Variants in AGXT observed in about 807,000 individuals in gnomAD.
AGXT encodes alanine--glyoxylate aminotransferase.
A neutral mutation model predicts 46.9 loss-of-function variants in AGXT; 41 were observed. The ratio of observed to expected loss-of-function variants is 0.88; its 90% CI spans 0.68 to 1.14. AGXT has a LOEUF of 1.14. Among genes scored for constraint, AGXT ranks in the 50% most tolerant of loss-of-function variants. The pLI, the probability that AGXT is intolerant of heterozygous loss-of-function variation, is 0.00. For missense variants in AGXT, 525 were observed against 522.7 expected, an observed-to-expected ratio of 1.00 and a Z score of -0.04; for synonymous variants, 244 against 227.9, an observed-to-expected ratio of 1.07 and a Z score of -0.64.
At chr2:240,876,151 C>A in intron 8 of AGXT, 147 bp downstream of exon 8, 1 of 997,766 alleles carries the variant, frequency 1.0e-6, no homozygotes, top group South Asian at 1.4e-5. Flanking sequence ...GGAGAGAGGA[C>A]AGGGCCCCGG....
chr2:240,871,250 C>T, intron 3 of AGXT, 99 bp from the exon 4 acceptor site: 1 of 1,027,470 alleles, frequency 9.7e-7, no homozygotes, highest in Non-Finnish European at 1.5e-6. Context: ...GCAGGCCCAG[C>T]CCCTGCTACC....
intron 5 of AGXT, 82 bp downstream of exon 5, chr2:240,873,131 T>C: frequency 1.6e-6 from 2 of 1,248,294 alleles, no homozygotes; most frequent in East Asian, 2.3e-5. Context: ...GAAGCGTGCG[T>C]CCAGCAGCCG....
intron 2 of AGXT, among the ~76,000 whole-genome samples, chr2:240,870,129 G>A (rs2058983672): frequency 6.6e-6 from 1 of 152,144 alleles, no homozygotes; most frequent in South Asian, 2.1e-4. Context: ...CCCACAACCT[G>A]GCCCTGAACA....
chr2:240,874,522 C>A (rs1194397302), intron 6 of AGXT, among the ~76,000 whole-genome samples: 1 of 152,236 alleles, frequency 6.6e-6, no homozygotes, highest in Admixed American at 6.5e-5. Flanking sequence ...ACCTCACAGG[C>A]GGTTCCCATC....
rs2058975534 is a variant in AGXT at position 240,868,943 on chromosome 2, G to A, written c.78G>A (p.Leu26=). The change falls in exon 1 of 11, where the codon CTG becomes CTA. Residue 26 remains leucine (L), a synonymous_variant. Transcript: ENST00000307503. ...KPLSIPNQLL[L]GPGPSNLPPR... is the part of the protein sequence containing the mutation. ...TCTCCATCCCCAACCAGCTCCTGCT[G>A]GGGCCTGGTCCTTCCAACCTGCCTC... The A allele has an allele frequency of 6.2e-7, 1 of 1,613,286 alleles. No individual in the cohort carries two copies. The highest frequency in any genetic ancestry group is 1.6e-4 in the Middle Eastern group (1 of 6,062).
chr2:240,875,824 G>A (rs898652920), intron 7 of AGXT, 111 bp from the exon 8 acceptor site: 15 of 1,208,918 alleles, frequency 1.2e-5, no homozygotes, highest in East Asian at 9.8e-5. Flanking sequence ...GGAGGATACC[G>A]GCCTGTGGTC....
intron 8 of AGXT, among the ~76,000 whole-genome samples, chr2:240,876,622 C>T (rs550187209): frequency 6.6e-6 from 1 of 152,356 alleles, no homozygotes; most frequent in South Asian, 2.1e-4. Context: ...AGTCCAGAGT[C>T]CAGGAAGGAT....
At position 240,869,005 on chromosome 2, in the gene AGXT, G is replaced by A. The variant is rs1171762321; in HGVS notation, c.140G>A (p.Gly47Glu). 6.8e-7 allele frequency: 1 copy of A among 1,468,824 alleles called. No individual in the cohort carries two copies. The highest frequency in any genetic ancestry group is 9.2e-7 in the Non-Finnish European group (1 of 1,089,966). The allele number at this position is 1,468,824 out of a possible 1,614,324, so 91.0% of individuals were successfully genotyped here. The change falls in exon 1 of 11, where the codon GGG becomes GAG. Residue 47 changes from glycine (G) to glutamate (E), a missense_variant. Physicochemically the swap from Gly to Glu is moderately conservative, Grantham distance 98. Coordinates refer to ENST00000307503, the MANE Select transcript of AGXT (RefSeq NM_000030.3). ...IMAAGGLQMI[G>E]SMSKDMYQIM... ...GCAGCCGGGGGGCTGCAGATGATCG[G>A]GTCCATGAGCAAGGATATGTACCAG...
Position 240,878,726 on chromosome 2 carries a change from G to C in AGXT, c.1084G>C (p.Gly362Arg). ...GPSTGKVLRIGLLGCNATREN... is the reference protein window; with the variant it reads ...GPSTGKVLRIRLLGCNATREN... ...CTGTGCCCCCCAGGTGCTGCGGATCGGCCTGCTGGGCTGCAATGCCACCCG... is the reference window on the plus strand; with the variant it reads ...CTGTGCCCCCCAGGTGCTGCGGATCCGCCTGCTGGGCTGCAATGCCACCCG... The change falls in exon 11 of 11, where the codon GGC (glycine) becomes CGC (arginine). Residue 362 changes from glycine to arginine, a missense_variant. Transcript: ENST00000307503. 1 of 1,564,202 alleles carries C rather than the reference G, an allele frequency of 6.4e-7. No homozygotes were observed. Among genetic ancestry groups the C allele is most frequent in the Non-Finnish European group, 8.6e-7 (1 of 1,158,612 alleles).
intron 7 of AGXT, 134 bp from the exon 8 acceptor site, chr2:240,875,801 A>G: frequency 1.0e-6 from 1 of 974,430 alleles, no homozygotes; most frequent in South Asian, 1.4e-5. Context: ...GAACCCGGAC[A>G]GGACTCCTCT....
chr2:240,874,098 C>T, intron 6 of AGXT, 36 bp downstream of exon 6: 1 of 1,605,170 alleles, frequency 6.2e-7, no homozygotes, highest in Admixed American at 1.7e-5. Context: ...CTGTGCAGGG[C>T]TGGGCTTGCA....
chr2:240,877,152 TG>T, intron 8 of AGXT: 1 of 418,944 alleles, frequency 2.4e-6, no homozygotes, highest in Non-Finnish European at 4.7e-6. Context: ...TCGGGGGAGC[TG>T]GCCCTGAGAG....
At chr2:240,874,957 C>A in intron 6 of AGXT, 152 bp from the exon 7 acceptor site, 1 of 680,124 alleles carries the variant, frequency 1.5e-6, no homozygotes, top group Admixed American at 2.1e-5. Context: ...CACCCGGTCC[C>A]ACTCTGGCCC....
intron 7 of AGXT, among the ~76,000 whole-genome samples, 194 bp downstream of exon 7, chr2:240,875,398 C>A (rs921271825): frequency 1.3e-5 from 2 of 152,224 alleles, no homozygotes; most frequent in Non-Finnish European, 2.9e-5. Flanking sequence ...CCTCGACTGG[C>A]CCGAGGCTCT....
intron 6 of AGXT, 136 bp downstream of exon 6, chr2:240,874,198 C>G: frequency 1.1e-6 from 1 of 882,182 alleles, no homozygotes; most frequent in South Asian, 1.6e-5. Context: ...CTCCCGCCCA[C>G]CCTCTGGGAG....
At chr2:240,877,737 C>T (rs993990795) in intron 9 of AGXT, 105 bp downstream of exon 9, 20 of 1,296,444 alleles carry the variant, frequency 1.5e-5, no homozygotes, top group Admixed American at 4.3e-5. Flanking sequence ...AAGGAGGGGG[C>T]GGCTGCCCGG....
Position 240,869,381 on chromosome 2 carries a change from T to C in AGXT, c.358+19T>C. ...CGCATAGGTAAGGGAGAGGCCCAGG[T>C]GGGGATGGCCCTGGATCCATCCTTC... On this transcript the variant is annotated intron_variant, in intron 2 of 10. Transcript: ENST00000307503. The C allele has an allele frequency of 1.3e-6, 2 of 1,562,226 alleles. No individual in the cohort carries two copies. Among genetic ancestry groups the C allele is most frequent in the Non-Finnish European group, 1.7e-6 (2 of 1,152,500 alleles).
Position 240,879,289 on chromosome 2 carries a change from T to G in AGXT, c.*468T>G. The G allele has an allele frequency of 4.6e-6, 1 of 218,926 alleles. No individual in the cohort carries two copies. The highest frequency in any genetic ancestry group is 9.2e-6 in the Non-Finnish European group (1 of 109,152). 13.6% of individuals were successfully genotyped at this position (218,926 alleles called of 1,614,324 possible). A position where few individuals can be genotyped will look rare whatever the true frequency, so the allele number is the denominator to read the frequency against. On this transcript the variant is annotated 3_prime_UTR_variant, in exon 11 of 11. Coordinates refer to ENST00000307503, the MANE Select transcript of AGXT (RefSeq NM_000030.3). ...GCCCCAGATGTCACACCCCCAAACG[T>G]CCTCACGCACCACATCCAGGTGAAC...
rs377257559 is a variant in AGXT, at chr2:240,870,835, A to G, written c.423+127A>G. The G allele has an allele frequency of 7.4e-5, 65 of 877,658 alleles. 1 individual carries two copies. The African/African-American group carries it at 9.6e-4, about 13-fold the overall frequency. The allele number at this position is 877,658 out of a possible 1,614,324, so 54.4% of individuals were successfully genotyped here. On this transcript the variant is annotated intron_variant, in intron 3 of 10. Coordinates refer to ENST00000307503, the MANE Select transcript of AGXT (RefSeq NM_000030.3). ...GCCGGGAGGCTGGTGGCTGACCCTC[A>G]GCCCATCCTAGCATCTGGTGAGCGG...
Sources: gnomAD v4.1 joint callset for allele counts (sites outside exome capture counted in the v4.1 genomes callset) on GRCh38, gnomAD v4.1.1 for gene constraint, MANE v1.5 for transcripts, NCBI Gene and HGNC (gene_info 2026-07-23, HGNC 2026-07-21) for gene names.